NRXN3: variants seen among roughly 807,000 people sequenced by gnomAD.
NRXN3 encodes neurexin III.
A neutral mutation model predicts 137.6 loss-of-function variants in NRXN3; 32 were observed. The observed-to-expected ratio is 0.23, with a 90% confidence interval of 0.18 to 0.31. The LOEUF (loss-of-function observed/expected upper bound fraction) is 0.31. NRXN3 is among the 10% of genes least tolerant of loss of function. The pLI is 1.00. For synonymous variants in NRXN3, 798 were observed against 784.5 expected (o/e 1.02, Z -0.29); for missense variants, 1,574 against 2,062.5 (o/e 0.76, Z 4.59).
chr14:79,710,074 T>G (rs1053409350), intron 19 of NRXN3, among the ~76,000 whole-genome samples: 3 of 152,240 alleles, frequency 2.0e-5, no homozygotes, highest in Middle Eastern at 3.4e-3. Context: ...TTTGGGGGTT[T>G]GTTTGTTTTA....
chr14:78,651,433 T>C (rs2097741743), intron 6 of NRXN3, 107 bp downstream of exon 6: 3 of 1,264,628 alleles, frequency 2.4e-6, no homozygotes, highest in Non-Finnish European at 3.3e-6. Flanking sequence ...TATGAGATGA[T>C]AGATTGCAGC....
intron 15 of NRXN3, among the ~76,000 whole-genome samples, chr14:79,132,234 A>G (rs1238104770): frequency 1.3e-5 from 2 of 152,238 alleles, no homozygotes; most frequent in African/African-American, 4.8e-5. Flanking sequence ...ATTGATATTC[A>G]ATTCAGTCAC....
At chr14:79,665,087 C>T (rs956864142) in intron 17 of NRXN3, among the ~76,000 whole-genome samples, 4 of 152,146 alleles carry the variant, frequency 2.6e-5, no homozygotes, top group African/African-American at 9.7e-5. Context: ...CTTTGAATGG[C>T]TTGAAGGCTG....
chr14:78,674,689 A>G (rs1293196762), intron 6 of NRXN3, among the ~76,000 whole-genome samples: 1 of 152,140 alleles, frequency 6.6e-6, no homozygotes. Flanking sequence ...GTATTTATAG[A>G]CTATTAGGGG....
intron 8 of NRXN3, among the ~76,000 whole-genome samples, chr14:78,752,590 A>G (rs1184306875): frequency 6.6e-6 from 1 of 152,166 alleles, no homozygotes; most frequent in Non-Finnish European, 1.5e-5. Flanking sequence ...GGGGATTCTT[A>G]AATATTGGGC....
intron 15 of NRXN3, among the ~76,000 whole-genome samples, chr14:79,257,621 G>A (rs2076970495): frequency 6.9e-6 from 1 of 145,486 alleles, no homozygotes; most frequent in Admixed American, 7.0e-5. Context: ...TGGTGACGAT[G>A]GTATTAGGAG....
In NRXN3 at chr14:78,597,348, TC is replaced by T. The variant is rs1395576790; in HGVS notation, c.758-47770del. On this transcript the variant is annotated intron_variant, in intron 4 of 20. Transcript: ENST00000335750. Reference sequence around the variant, plus strand: ...TTTCGTTCTACAATTAAAGATAGAATCCTATTTTTTCCAGGGAGAAGTAATA... The same window carrying T: ...TTTCGTTCTACAATTAAAGATAGAATCTATTTTTTCCAGGGAGAAGTAATA... Among the ~76,000 whole-genome samples the T allele has an allele frequency of 5.9e-5, 9 of 152,332 alleles. No individual in the cohort carries two copies. In the East Asian group the frequency reaches 1.7e-3, roughly 29 times the overall value.
At chr14:79,606,973 TTGC>T (rs2098028124) in intron 16 of NRXN3, among the ~76,000 whole-genome samples, 2 of 152,252 alleles carry the variant, frequency 1.3e-5, no homozygotes, top group Non-Finnish European at 2.9e-5. Flanking sequence ...CTGGCAAGTT[TTGC>T]TTTAGAAACT....
In NRXN3 at chr14:78,836,048, T is replaced by C. The variant is rs184302798; in HGVS notation, c.2275+25704T>C. On this transcript the variant is annotated intron_variant, in intron 10 of 20. Transcript: ENST00000335750. The stretch of plus-strand genomic sequence containing the variant: ...GTGCCCTATAATTTGTCAAGCTTAT[T>C]ATCTTGCTCTGGCACACAGAATACA... 2.7e-3 allele frequency among the ~76,000 whole-genome samples: 415 copies of C among 152,260 alleles called. 5 individuals carry two copies. Among genetic ancestry groups the C allele is most frequent in the African/African-American group, 9.7e-3 (404 of 41,556 alleles).
At chr14:79,192,864 G>A (rs1039156685) in intron 15 of NRXN3, among the ~76,000 whole-genome samples, 9 of 139,454 alleles carry the variant, frequency 6.5e-5, no homozygotes, top group Admixed American at 5.0e-4. Context: ...TCCACCTCCC[G>A]GGTTCAAGAG....
intron 15 of NRXN3, among the ~76,000 whole-genome samples, chr14:79,096,866 C>T (rs1016687060): frequency 2.0e-5 from 3 of 152,104 alleles, no homozygotes; most frequent in Non-Finnish European, 2.9e-5. Flanking sequence ...CTCATGTCGA[C>T]CCCATTCTGC....
chr14:78,206,181 T>C (rs1020646832), intron 1 of NRXN3, among the ~76,000 whole-genome samples: 19 of 152,210 alleles, frequency 1.2e-4, no homozygotes, highest in African/African-American at 4.6e-4. Context: ...AGGCTCACTT[T>C]TTTCCTCTGA....
chr14:79,100,036 T>C (rs945117100), intron 15 of NRXN3, among the ~76,000 whole-genome samples: 10 of 152,192 alleles, frequency 6.6e-5, no homozygotes, highest in African/African-American at 2.4e-4. Context: ...ATGTGAATGC[T>C]CATGCTAGGA....
chr14:79,595,385 G>A (rs1266573297), intron 16 of NRXN3, among the ~76,000 whole-genome samples: 3 of 152,126 alleles, frequency 2.0e-5, no homozygotes, highest in Non-Finnish European at 4.4e-5. Context: ...TGTCTTAGAT[G>A]TAGCATGAGA....
chr14:78,371,286 G>A lies in NRXN3; in HGVS notation c.757+73426G>A, dbSNP rs147461602. On this transcript the variant is annotated intron_variant, in intron 4 of 20. Coordinates refer to ENST00000335750, the MANE Select transcript of NRXN3 (RefSeq NM_001330195.2). ...TGGGTGTCAGATACTTCAGATAGAC[G>A]TGGCTTAGCTTCAGATGGCACAACT... 1.2e-4 allele frequency among the ~76,000 whole-genome samples: 19 copies of A among 152,342 alleles called. No individual in the cohort carries two copies. In the East Asian group the frequency reaches 3.3e-3, roughly 26 times the overall value.
At chr14:79,836,768 T>C (rs2099344873) in intron 20 of NRXN3, among the ~76,000 whole-genome samples, 1 of 152,146 alleles carries the variant, frequency 6.6e-6, no homozygotes, top group Non-Finnish European at 1.5e-5. Flanking sequence ...AAGTTGGAGA[T>C]GCTGGATGGA....
At chr14:79,275,427 G>A (rs570144454) in intron 15 of NRXN3, among the ~76,000 whole-genome samples, 7 of 152,214 alleles carry the variant, frequency 4.6e-5, no homozygotes, top group South Asian at 2.1e-4. Flanking sequence ...ATGTGCCTGC[G>A]AAGAACAACT....
chr14:78,211,994 A>G (rs1457596897), intron 1 of NRXN3, among the ~76,000 whole-genome samples: 1 of 152,168 alleles, frequency 6.6e-6, no homozygotes, highest in African/African-American at 2.4e-5. Flanking sequence ...AAAGTATGGG[A>G]GCTTCTTGGC....
chr14:79,040,388 C>G (rs12147468), intron 15 of NRXN3, among the ~76,000 whole-genome samples: 76,465 of 152,080 alleles, frequency 0.5, 22,448 homozygotes, highest in East Asian at 0.78. Context: ...AAAGATTTAA[C>G]CAAAATGTTG....
Sources: allele counts gnomAD v4.1 joint callset (sites outside exome capture counted in the v4.1 genomes callset), GRCh38; gene constraint gnomAD v4.1.1; transcripts MANE v1.5; gene names NCBI Gene and HGNC (gene_info 2026-07-23, HGNC 2026-07-21).